KIAA1217: variants seen among roughly 807,000 people sequenced by gnomAD.
KIAA1217 encodes sickle tail protein homolog.
KIAA1217 carries 88 observed loss-of-function variants against 163.9 expected under a neutral mutation model. The observed-to-expected ratio is 0.54, with a 90% CI of 0.45 to 0.64. The LOEUF is 0.64. Ranked by LOEUF, KIAA1217 falls within the 30% of genes least tolerant of loss-of-function variation. KIAA1217 has a pLI of 0.00. For missense variants in KIAA1217, 2,372 were observed against 2,475.0 expected (o/e 0.96, Z 0.88); for synonymous variants, 903 against 923.1 (o/e 0.98, Z 0.39).
At chr10:23,966,068 C>T (rs1212294053) in intron 1 of KIAA1217, among the ~76,000 whole-genome samples, 1 of 152,180 alleles carries the variant, frequency 6.6e-6, no homozygotes, top group Admixed American at 6.5e-5. Flanking sequence ...TGCTGGCAGA[C>T]CTGGCTTTAT....
rs1225961313 is a variant in KIAA1217, at chr10:23,909,777, A to T, written c.-320-97448A>T. Among the ~76,000 whole-genome samples the T allele has an allele frequency of 2.0e-5, 3 of 152,290 alleles. No individual in the cohort carries two copies. In the East Asian group the frequency reaches 5.8e-4, roughly 29 times the overall value. Reference sequence around the variant, plus strand: ...ATATGTGTGCATGTGTCCTTATAGTAGGATGATTTATAATCCTTTGGGTAT... The same window carrying T: ...ATATGTGTGCATGTGTCCTTATAGTTGGATGATTTATAATCCTTTGGGTAT... On this transcript the variant is annotated intron_variant, in intron 1 of 18. Coordinates refer to the KIAA1217 transcript ENST00000376462.
At position 23,793,773 on chromosome 10, in the gene KIAA1217, G is replaced by A. The variant is rs1836070972; in HGVS notation, c.-321+98539G>A. ...GCCTTGTGACCTACCACACAGGCCA[G>A]CCACAGGCAAGCACAAAGCACACCC... On this transcript the variant is annotated intron_variant, in intron 1 of 18. Transcript: ENST00000376462. Among the ~76,000 whole-genome samples, 7 of 152,152 alleles carry A rather than the reference G, an allele frequency of 4.6e-5. No homozygotes were observed. In the South Asian group the frequency reaches 1.4e-3, roughly 32 times the overall value.
intron 1 of KIAA1217, among the ~76,000 whole-genome samples, chr10:24,218,987 T>C (rs973930802): frequency 5.3e-5 from 8 of 152,202 alleles, no homozygotes; most frequent in African/African-American, 1.4e-4. Context: ...AATGCAACTG[T>C]TATTAAAAAT....
At position 23,755,908 on chromosome 10, in the gene KIAA1217, A is replaced by AAGG. The variant is rs1357136926; in HGVS notation, c.-321+60674_-321+60675insAGG. 3.2e-4 allele frequency among the ~76,000 whole-genome samples: 49 copies of AAGG among 152,218 alleles called. No individual in the cohort carries two copies. The East Asian group carries it at 8.5e-3, about 26-fold the overall frequency. ...TATGTGCGATATCACATAATAACCA[A>AAGG]TACCTTTGGTTATTATGTGATTCTG... On this transcript the variant is annotated intron_variant, in intron 1 of 18. Transcript: ENST00000376462.
intron 2 of KIAA1217, among the ~76,000 whole-genome samples, chr10:24,223,542 C>T (rs987914632): frequency 6.6e-6 from 1 of 152,144 alleles, no homozygotes; most frequent in Non-Finnish European, 1.5e-5. Context: ...TGATGCTCTC[C>T]TCCAGATACT....
At chr10:23,979,437 G>T (rs574485188) in intron 1 of KIAA1217, among the ~76,000 whole-genome samples, 2 of 152,094 alleles carry the variant, frequency 1.3e-5, no homozygotes, top group Non-Finnish European at 2.9e-5. Flanking sequence ...CGCATTTTTC[G>T]TGTCTCCTTA....
intron 2 of KIAA1217, among the ~76,000 whole-genome samples, chr10:24,009,201 A>G (rs1847140144): frequency 6.6e-6 from 1 of 152,198 alleles, no homozygotes; most frequent in East Asian, 1.9e-4. Context: ...CTTAACTGGC[A>G]TCTTTTTTGG....
chr10:23,776,617 A>T (rs2130892244), intron 1 of KIAA1217, among the ~76,000 whole-genome samples: 1 of 151,092 alleles, frequency 6.6e-6, no homozygotes, highest in South Asian at 2.1e-4. Flanking sequence ...TATAGATAAA[A>T]TTACTAGAAA....
chr10:24,350,944 CT>C (rs370236759), intron 2 of KIAA1217, among the ~76,000 whole-genome samples: 2,149 of 148,358 alleles, frequency 0.014, 65 homozygotes, highest in African/African-American at 0.049. Flanking sequence ...GATTATGCAT[CT>C]TTTTTTTTTA....
chr10:24,436,558 A>G (rs1185841587), intron 4 of KIAA1217, among the ~76,000 whole-genome samples: 3 of 151,852 alleles, frequency 2.0e-5, no homozygotes, highest in East Asian at 2.0e-4. Context: ...GGAGATCGAG[A>G]CCATCCTGGT....
At chr10:23,735,626 T>A (rs1358919896) in intron 1 of KIAA1217, among the ~76,000 whole-genome samples, 2 of 152,122 alleles carry the variant, frequency 1.3e-5, no homozygotes, top group Non-Finnish European at 2.9e-5. Flanking sequence ...GCTCATTTTT[T>A]AATTAGGTTA....
chr10:23,995,744 G>A (rs1846446945), intron 1 of KIAA1217, among the ~76,000 whole-genome samples: 2 of 152,134 alleles, frequency 1.3e-5, no homozygotes, highest in Non-Finnish European at 2.9e-5. Flanking sequence ...ACTGTGTTAT[G>A]AACCAGGTGC....
intron 8 of KIAA1217, among the ~76,000 whole-genome samples, chr10:24,499,296 T>C (rs941168551): frequency 1.3e-5 from 2 of 152,232 alleles, no homozygotes; most frequent in Non-Finnish European, 2.9e-5. Context: ...CTTGGTACTT[T>C]CATAGTTGGA....
At chr10:24,326,409 A>G (rs958459844) in intron 2 of KIAA1217, among the ~76,000 whole-genome samples, 1 of 152,210 alleles carries the variant, frequency 6.6e-6, no homozygotes, top group Non-Finnish European at 1.5e-5. Flanking sequence ...CGATGGCAAA[A>G]TACTTTGGTT....
At chr10:24,471,517 G>T (rs560898009) in intron 5 of KIAA1217, among the ~76,000 whole-genome samples, 2 of 151,684 alleles carry the variant, frequency 1.3e-5, no homozygotes, top group African/African-American at 4.8e-5. Context: ...TAACATAGTT[G>T]CAAATTACAG....
chr10:24,340,476 A>C (rs1208196839), intron 2 of KIAA1217, among the ~76,000 whole-genome samples: 1 of 152,104 alleles, frequency 6.6e-6, no homozygotes, highest in Non-Finnish European at 1.5e-5. Context: ...ACTTGGAAGT[A>C]TGAGTCCATT....
chr10:23,889,505 G>T (rs938460059), intron 1 of KIAA1217, among the ~76,000 whole-genome samples: 1 of 151,650 alleles, frequency 6.6e-6, no homozygotes, highest in Admixed American at 6.6e-5. Context: ...TTACAGATTT[G>T]TAAGAGTTCT....
In KIAA1217 at chr10:24,087,992, A is replaced by G. The variant is rs570100460; in HGVS notation, c.-171+80618A>G. 2.2e-5 allele frequency among the ~76,000 whole-genome samples: 2 copies of G among 91,246 alleles called. 1 individual carries two copies. Among genetic ancestry groups the G allele is most frequent in the African/African-American group, 5.5e-5 (2 of 36,594 alleles). 59.9% of individuals were successfully genotyped at this position (91,246 alleles called of 152,430 possible). On this transcript the variant is annotated intron_variant, in intron 2 of 18. Transcript: ENST00000376462. ...GATTCCCAAACCAAGTTAGTGGACC[A>G]TCCATTGCAGATGGTAGCCCAAATG...
At chr10:23,781,282 CTT>C (rs1835246778) in intron 1 of KIAA1217, among the ~76,000 whole-genome samples, 1 of 152,118 alleles carries the variant, frequency 6.6e-6, no homozygotes, top group Non-Finnish European at 1.5e-5. Context: ...TTTGTTATCT[CTT>C]GTTTTTTTGA....
Sources: allele counts gnomAD v4.1 joint callset (sites outside exome capture counted in the v4.1 genomes callset), GRCh38; gene constraint gnomAD v4.1.1; transcripts MANE v1.5; gene names NCBI Gene and HGNC (gene_info 2026-07-23, HGNC 2026-07-21).